The following LTBP1 variants were observed in gnomAD, a reference collection of about 807,000 sequenced individuals.
LTBP1 encodes the protein latent-transforming growth factor beta-binding protein 1.
In LTBP1, 129 loss-of-function variants were observed where a neutral mutation model predicts 207.6. The observed-to-expected ratio is 0.62, with a 90% CI of 0.54 to 0.72. The LOEUF (loss-of-function observed/expected upper bound fraction) is 0.72, where lower values mean the gene tolerates loss of function less well. Ranked by LOEUF, LTBP1 falls within the 30% of genes least tolerant of loss-of-function variation. The pLI is 0.00. For missense variants in LTBP1, 2,281 were observed against 2,217.2 expected (o/e 1.03, Z -0.58); for synonymous variants, 963 against 833.7 (o/e 1.16, Z -2.67).
At chr2:33,157,153 G>A (rs752460774) in intron 5 of LTBP1, among the ~76,000 whole-genome samples, 6 of 152,188 alleles carry the variant, frequency 3.9e-5, no homozygotes, top group Non-Finnish European at 8.8e-5. Context: ...CTTAAATGTA[G>A]AGATGCTGAA....
intron 3 of LTBP1, among the ~76,000 whole-genome samples, chr2:33,063,502 AAG>A (rs531741472): frequency 8.9e-4 from 135 of 152,310 alleles, no homozygotes; most frequent in Non-Finnish European, 1.5e-3. Context: ...TTTTAGGAAA[AAG>A]AAAAATTATT....
At chr2:33,125,489 A>T (rs1452801462) in intron 4 of LTBP1, among the ~76,000 whole-genome samples, 1 of 152,150 alleles carries the variant, frequency 6.6e-6, no homozygotes, top group Non-Finnish European at 1.5e-5. Flanking sequence ...GAAGAAGAAC[A>T]TGTTATGTGT....
chr2:33,380,043 C>A (rs1037004780), intron 31 of LTBP1, among the ~76,000 whole-genome samples: 6 of 152,142 alleles, frequency 3.9e-5, no homozygotes, highest in African/African-American at 1.4e-4. Context: ...CCTGGCTTGA[C>A]CTTTGGAATA....
intron 3 of LTBP1, among the ~76,000 whole-genome samples, chr2:33,075,192 A>G (rs1365305165): frequency 6.6e-6 from 1 of 152,232 alleles, no homozygotes; most frequent in East Asian, 1.9e-4. Context: ...CTGTAATTCT[A>G]GCTCCTCAGG....
chr2:33,304,098 T>C (rs1450878195), intron 22 of LTBP1, among the ~76,000 whole-genome samples: 1 of 152,220 alleles, frequency 6.6e-6, no homozygotes, highest in African/African-American at 2.4e-5. Flanking sequence ...ACAAAAGCTT[T>C]TAGCAAACTC....
At chr2:33,218,697 A>G (rs2090894185) in intron 8 of LTBP1, among the ~76,000 whole-genome samples, 1 of 152,190 alleles carries the variant, frequency 6.6e-6, no homozygotes, top group Non-Finnish European at 1.5e-5. Flanking sequence ...GCGCCTGGCC[A>G]TAAATAGTTT....
At chr2:33,056,320 G>A (rs758105833) in intron 3 of LTBP1, 6 of 1,069,862 alleles carry the variant, frequency 5.6e-6, no homozygotes, top group Non-Finnish European at 7.5e-6. Context: ...GTTTTGTTTT[G>A]TTTTGTTTGC....
intron 3 of LTBP1, among the ~76,000 whole-genome samples, chr2:33,073,768 A>G (rs2077929593): frequency 6.6e-6 from 1 of 152,130 alleles, no homozygotes; most frequent in South Asian, 2.1e-4. Context: ...CTGGGATTAC[A>G]GGTGCCTGTC....
intron 9 of LTBP1, among the ~76,000 whole-genome samples, chr2:33,237,443 A>G (rs1378926554): frequency 6.6e-6 from 1 of 152,172 alleles, no homozygotes; most frequent in Non-Finnish European, 1.5e-5. Context: ...TTAATCTCCT[A>G]GAATAATTTT....
intron 8 of LTBP1, among the ~76,000 whole-genome samples, chr2:33,221,053 A>G (rs946948507): frequency 1.3e-5 from 2 of 152,038 alleles, no homozygotes; most frequent in Non-Finnish European, 2.9e-5. Context: ...TCCTCTTTCA[A>G]GTCTTTTTTA....
intron 7 of LTBP1, among the ~76,000 whole-genome samples, chr2:33,203,126 C>G (rs1311355880): frequency 6.6e-6 from 1 of 152,222 alleles, no homozygotes; most frequent in African/African-American, 2.4e-5. Context: ...CAAACCTTAC[C>G]TGCGTCAACA....
At chr2:33,170,317 C>T (rs902203108) in intron 5 of LTBP1, among the ~76,000 whole-genome samples, 12 of 152,138 alleles carry the variant, frequency 7.9e-5, no homozygotes, top group African/African-American at 1.9e-4. Context: ...TGCGCTTTTC[C>T]GACGGGCTTA....
rs112408370 is a variant in LTBP1, at chr2:33,244,616, T to C, written c.1999+832T>C. Among the ~76,000 whole-genome samples the C allele has an allele frequency of 2.0e-3, 301 of 152,306 alleles. 1 individual carries two copies. The highest frequency in any genetic ancestry group is 6.8e-3 in the African/African-American group (282 of 41,558). Reference sequence around the variant, plus strand: ...GAATGTCTTATTTTTAAAGTAATCATGCCCATTATTATAGGTAAGCACTGT... The same window carrying C: ...GAATGTCTTATTTTTAAAGTAATCACGCCCATTATTATAGGTAAGCACTGT... On this transcript the variant is annotated intron_variant, in intron 10 of 33. Transcript: ENST00000404816.
At chr2:33,238,142 A>G (rs1236382687) in intron 9 of LTBP1, among the ~76,000 whole-genome samples, 1 of 152,300 alleles carries the variant, frequency 6.6e-6, no homozygotes, top group African/African-American at 2.4e-5. Flanking sequence ...TTCAAGTGGA[A>G]GGCATACTGC....
chr2:33,171,597 A>T (rs556396202), intron 5 of LTBP1, among the ~76,000 whole-genome samples: 1 of 151,478 alleles, frequency 6.6e-6, no homozygotes, highest in South Asian at 2.1e-4. Context: ...GATATTATCC[A>T]GGAGAACTTC....
intron 9 of LTBP1, among the ~76,000 whole-genome samples, chr2:33,226,755 C>G (rs1459200205): frequency 6.6e-6 from 1 of 152,146 alleles, no homozygotes; most frequent in Admixed American, 6.5e-5. Flanking sequence ...TGTCTTTATG[C>G]TAATGAGCAG....
intron 19 of LTBP1, among the ~76,000 whole-genome samples, chr2:33,289,896 T>G (rs1468301946): frequency 2.0e-5 from 3 of 151,948 alleles, no homozygotes; most frequent in Non-Finnish European, 4.4e-5. Context: ...GATGGTGGGG[T>G]GGGTAGGCAC....
chr2:33,013,522 A>G (rs1687950563), intron 2 of LTBP1, among the ~76,000 whole-genome samples: 1 of 151,936 alleles, frequency 6.6e-6, no homozygotes, highest in Admixed American at 6.6e-5. Flanking sequence ...TTAATGTTAA[A>G]TGCTTATATA....
At chr2:32,954,870 C>T (rs927038415) in intron 2 of LTBP1, among the ~76,000 whole-genome samples, 16 of 152,122 alleles carry the variant, frequency 1.1e-4, no homozygotes, top group African/African-American at 2.4e-5. Flanking sequence ...TTTTCTACTG[C>T]AGCAGCTCTG....
Sources: gnomAD v4.1 joint callset for allele counts (sites outside exome capture counted in the v4.1 genomes callset) on GRCh38, gnomAD v4.1.1 for gene constraint, MANE v1.5 for transcripts, NCBI Gene and HGNC (gene_info 2026-07-23, HGNC 2026-07-21) for gene names.